RCOR1: variants seen among roughly 807,000 people sequenced by gnomAD.
The protein encoded by RCOR1 is REST corepressor.
Under a neutral mutation model 64.0 loss-of-function variants are expected in RCOR1, and 12 were observed. The observed-to-expected ratio is 0.19, with a 90% CI of 0.12 to 0.30. The LOEUF is 0.30. RCOR1 is among the 10% of genes least tolerant of loss of function. The probability of loss-of-function intolerance (pLI) is 1.00; values close to 1 mark genes in which losing one functional copy is unlikely to be tolerated. For missense variants in RCOR1, 502 were observed against 621.2 expected (o/e 0.81, Z 2.04); for synonymous variants, 279 against 227.2 (o/e 1.23, Z -2.05).
chr14:102,617,960 T>TC (rs1491307712), intron 2 of RCOR1, among the ~76,000 whole-genome samples: 2 of 149,832 alleles, frequency 1.3e-5, no homozygotes, highest in Non-Finnish European at 3.0e-5. Flanking sequence ...TACATAAGTT[T>TC]CTTTTTTTTT....
At chr14:102,628,243 G>A (rs570006250) in intron 2 of RCOR1, among the ~76,000 whole-genome samples, 1 of 152,254 alleles carries the variant, frequency 6.6e-6, no homozygotes, top group African/African-American at 2.4e-5. Flanking sequence ...TCAGTCCACG[G>A]ATTCAAATGT....
intron 2 of RCOR1, among the ~76,000 whole-genome samples, chr14:102,639,697 C>G (rs888092549): frequency 4.6e-5 from 7 of 151,342 alleles, no homozygotes; most frequent in Non-Finnish European, 7.4e-5. Context: ...TTATGCCTGG[C>G]TGATTTTTGT....
At position 102,730,184 on chromosome 14, in the gene RCOR1, C is replaced by T. The variant is rs192245791; in HGVS notation, c.*3678C>T. On this transcript the variant is annotated 3_prime_UTR_variant, in exon 12 of 12. Transcript: ENST00000262241. ...GGTGGATAGTATTCCATTAGGTAGA[C>T]TTATCGACTTTGCTAAGTGCTTTTT... is the stretch of plus-strand genomic sequence containing the variant. 199 of 397,124 alleles carry T rather than the reference C, an allele frequency of 5.0e-4. No individual in the cohort carries two copies. Among genetic ancestry groups the T allele is most frequent in the Non-Finnish European group, 8.2e-4 (185 of 225,410 alleles). 24.6% of individuals were successfully genotyped at this position (397,124 alleles called of 1,614,324 possible).
intron 8 of RCOR1, among the ~76,000 whole-genome samples, chr14:102,718,996 A>T (rs1365387114): frequency 6.6e-6 from 1 of 152,054 alleles, no homozygotes; most frequent in Non-Finnish European, 1.5e-5. Context: ...TTGCTGTGTC[A>T]CCCAGGCTGT....
chr14:102,701,445 G>T, intron 4 of RCOR1, 115 bp downstream of exon 4: 2 of 697,454 alleles, frequency 2.9e-6, no homozygotes, highest in Non-Finnish European at 4.5e-6. Context: ...GCAACTTTTT[G>T]GTAATTACTA....
chr14:102,598,880 AAAAG>A (rs1202259024), intron 2 of RCOR1, among the ~76,000 whole-genome samples: 1 of 152,164 alleles, frequency 6.6e-6, no homozygotes, highest in Non-Finnish European at 1.5e-5. Context: ...GTTAAAAAAA[AAAAG>A]AGTTAAAAAC....
intron 2 of RCOR1, among the ~76,000 whole-genome samples, chr14:102,648,784 A>G (rs1894524852): frequency 6.6e-6 from 1 of 152,158 alleles, no homozygotes; most frequent in South Asian, 2.1e-4. Flanking sequence ...CTCATCCTTA[A>G]TATAGTTACT....
chr14:102,671,138 C>T (rs1056639614), intron 2 of RCOR1, among the ~76,000 whole-genome samples: 4 of 152,270 alleles, frequency 2.6e-5, no homozygotes, highest in South Asian at 2.1e-4. Flanking sequence ...TCATTGTTTT[C>T]GCTTCCCCTT....
intron 2 of RCOR1, among the ~76,000 whole-genome samples, chr14:102,594,879 C>T (rs1437396262): frequency 6.6e-6 from 1 of 152,108 alleles, no homozygotes; most frequent in Non-Finnish European, 1.5e-5. Context: ...CCAAATTTTC[C>T]TAATGTATTA....
intron 4 of RCOR1, among the ~76,000 whole-genome samples, chr14:102,701,958 C>T (rs1038713367): frequency 6.6e-5 from 10 of 152,286 alleles, no homozygotes; most frequent in Middle Eastern, 3.4e-3. Context: ...TGAGCCACTG[C>T]GCCTGGCCAA....
intron 7 of RCOR1, among the ~76,000 whole-genome samples, chr14:102,712,088 A>C (rs917946749): frequency 6.6e-6 from 1 of 152,028 alleles, no homozygotes; most frequent in African/African-American, 2.4e-5. Context: ...GACTCACTGC[A>C]GCCGCCAACT....
chr14:102,674,753 A>G (rs1451271749), intron 2 of RCOR1, among the ~76,000 whole-genome samples: 2 of 152,046 alleles, frequency 1.3e-5, no homozygotes, highest in East Asian at 3.8e-4. Context: ...GTCTGGGCTT[A>G]TTTTTTAAGG....
chr14:102,675,373 A>G (rs1895123219), intron 2 of RCOR1, among the ~76,000 whole-genome samples: 2 of 152,218 alleles, frequency 1.3e-5, no homozygotes, highest in Non-Finnish European at 2.9e-5. Flanking sequence ...GATAAAGATT[A>G]ATTTATAAGT....
chr14:102,711,357 T>C lies in RCOR1; in HGVS notation c.858+344T>C, dbSNP rs555191290. 4.6e-5 allele frequency among the ~76,000 whole-genome samples: 7 copies of C among 152,340 alleles called. No homozygotes were observed. In the East Asian group the frequency reaches 1.4e-3, roughly 29 times the overall value. ...AGCCTTAGGGTCTCCATTCACGCTA[T>C]AGATGCCCCAGCGTCTGCCCATCCT... On this transcript the variant is annotated intron_variant, in intron 7 of 11. Coordinates refer to ENST00000262241, the MANE Select transcript of RCOR1 (RefSeq NM_015156.4).
Position 102,593,090 on chromosome 14 carries a change from C to G in RCOR1, c.204C>G (p.Gly68=), listed in dbSNP as rs1054366990. 2.7e-6 allele frequency: 4 copies of G among 1,476,994 alleles called. No homozygotes were observed. The highest frequency in any genetic ancestry group is 5.1e-5 in the Admixed American group (2 of 38,842). The allele number at this position is 1,476,994 out of a possible 1,614,324, so 91.5% of individuals were successfully genotyped here. A position where few individuals can be genotyped will look rare whatever the true frequency, so the allele number is the denominator to read the frequency against. The change falls in exon 1 of 12, where the codon GGC becomes GGG. Residue 68 remains glycine, a synonymous_variant. Coordinates refer to ENST00000262241, the MANE Select transcript of RCOR1 (RefSeq NM_015156.4). Reference sequence around the variant, plus strand: ...CAGCCGCCGCCGCCCCCAATAATGGCCAGAATAAAAGTTTGGCGGCGGCGG... The same window carrying G: ...CAGCCGCCGCCGCCCCCAATAATGGGCAGAATAAAAGTTTGGCGGCGGCGG... ...AASAAAAPNN[G]QNKSLAAAAP... is the part of the protein sequence containing the mutation.
At chr14:102,619,851 T>C (rs534331030) in intron 2 of RCOR1, among the ~76,000 whole-genome samples, 3 of 152,346 alleles carry the variant, frequency 2.0e-5, no homozygotes, top group Admixed American at 2.0e-4. Flanking sequence ...ATGTTCTTGA[T>C]GTAGCTTGTT....
At position 102,624,545 on chromosome 14, in the gene RCOR1, C is replaced by T. The variant is rs574374670; in HGVS notation, c.361+31220C>T. Among the ~76,000 whole-genome samples, 679 of 151,858 alleles carry T rather than the reference C, an allele frequency of 4.5e-3. 3 individuals are homozygous for T. The highest frequency in any genetic ancestry group is 6.6e-3 in the Non-Finnish European group (451 of 67,916). On this transcript the variant is annotated intron_variant, in intron 2 of 11. Transcript: ENST00000262241. ...CCTAGGACATCACAATAAAATAGAT[C>T]GCTTGAGCCCAGGAGTTCGAGACCA...
chr14:102,697,424 A>G (rs1351571611), intron 3 of RCOR1, among the ~76,000 whole-genome samples: 3 of 152,210 alleles, frequency 2.0e-5, no homozygotes, highest in Non-Finnish European at 4.4e-5. Flanking sequence ...TGGGACAGGA[A>G]ACCTCATATG....
chr14:102,675,689 T>TGC (rs1232996775), intron 2 of RCOR1, among the ~76,000 whole-genome samples: 1 of 152,210 alleles, frequency 6.6e-6, no homozygotes, highest in Non-Finnish European at 1.5e-5. Context: ...CAAATTCCAA[T>TGC]GCGGGGCACC....
Sources: gnomAD v4.1 joint callset for allele counts (sites outside exome capture counted in the v4.1 genomes callset) on GRCh38, gnomAD v4.1.1 for gene constraint, MANE v1.5 for transcripts, NCBI Gene and HGNC (gene_info 2026-07-23, HGNC 2026-07-21) for gene names.